Variants in PROX1 observed in about 807,000 individuals in gnomAD.
PROX1 encodes prospero homeobox 1.
Under a neutral mutation model 58.8 loss-of-function variants are expected in PROX1, and 7 were observed. The ratio of observed to expected loss-of-function variants is 0.12; its 90% CI spans 0.07 to 0.22. The LOEUF is 0.22. Among genes scored for constraint, PROX1 ranks in the 10% least tolerant of loss-of-function variants. The probability of loss-of-function intolerance (pLI) is 1.00; values close to 1 mark genes in which losing one functional copy is unlikely to be tolerated. For missense variants in PROX1, 675 were observed against 927.8 expected (o/e 0.73, Z 3.54); for synonymous variants, 350 against 358.3 (o/e 0.98, Z 0.26).
intron 3 of PROX1, among the ~76,000 whole-genome samples, chr1:214,008,201 G>C (rs1483598248): frequency 6.6e-6 from 1 of 152,030 alleles, no homozygotes; most frequent in Non-Finnish European, 1.5e-5. Context: ...ACAGGAATGT[G>C]CCACCACGCC....
At chr1:214,030,186 A>G (rs553624240) in intron 4 of PROX1, 1 of 151,430 alleles carries the variant, frequency 6.6e-6, no homozygotes, top group Admixed American at 6.6e-5. Context: ...TTTATAGTAT[A>G]AAAAAAAATG....
chr1:213,998,412 G>A, intron 2 of PROX1, 152 bp downstream of exon 2: 1 of 966,146 alleles, frequency 1.0e-6, no homozygotes, highest in Non-Finnish European at 1.4e-6. Context: ...TTATCAGCAT[G>A]CGTGTGCCAT....
At chr1:214,011,790 C>A (rs947338126) in intron 4 of PROX1, 75 bp downstream of exon 4, 45 of 1,296,698 alleles carry the variant, frequency 3.5e-5, no homozygotes, top group Admixed American at 4.8e-5. Context: ...AGAAATGTAC[C>A]CAAATCTGTT....
chr1:214,025,908 C>T (rs554308160), intron 4 of PROX1, among the ~76,000 whole-genome samples: 4 of 152,174 alleles, frequency 2.6e-5, no homozygotes, highest in Non-Finnish European at 2.9e-5. Flanking sequence ...ATGATTCACC[C>T]GCCTCAGCCT....
rs1381886923 is a variant in PROX1, at chr1:214,037,018, A to C, written c.*1184A>C. The C allele has an allele frequency of 6.6e-6, 1 of 152,250 alleles. No homozygotes were observed. Among genetic ancestry groups the C allele is most frequent in the Non-Finnish European group, 1.5e-5 (1 of 68,038 alleles). The allele number at this position is 152,250 out of a possible 1,614,324, so 9.4% of individuals were successfully genotyped here. ...TAATGCCTCTTCCAATTCAGAAGCT[A>C]GTATTGACCAAAATGTGAGAAGAGT... is the stretch of plus-strand genomic sequence containing the variant. On this transcript the variant is annotated 3_prime_UTR_variant, in exon 5 of 5. Transcript: ENST00000366958.
intron 1 of PROX1, among the ~76,000 whole-genome samples, chr1:213,995,035 C>A (rs1428719127): frequency 6.6e-6 from 1 of 151,918 alleles, no homozygotes; most frequent in Non-Finnish European, 1.5e-5. Context: ...GCCACAGATG[C>A]AGTCCTAGGG....
Position 214,004,189 on chromosome 1 carries a change from C to T in PROX1, c.1726-976C>T, listed in dbSNP as rs544326284. Among the ~76,000 whole-genome samples, 19 of 152,308 alleles carry T rather than the reference C, an allele frequency of 1.2e-4. No individual in the cohort carries two copies. The South Asian group carries it at 3.1e-3, about 25-fold the overall frequency. On this transcript the variant is annotated intron_variant, in intron 2 of 4. Coordinates refer to ENST00000366958, the MANE Select transcript of PROX1 (RefSeq NM_001270616.2). ...CTGAGGAAATGGCAGGGCCAGGCTG[C>T]GGCACAGATGTGACCAGAGCCATCC...
chr1:214,021,047 A>G (rs1664262066), intron 4 of PROX1, among the ~76,000 whole-genome samples: 1 of 152,212 alleles, frequency 6.6e-6, no homozygotes, highest in Non-Finnish European at 1.5e-5. Flanking sequence ...AGGTGGTCAG[A>G]TCAGGCGGGT....
chr1:214,007,445 T>C (rs1229053645), intron 3 of PROX1, among the ~76,000 whole-genome samples: 1 of 152,218 alleles, frequency 6.6e-6, no homozygotes, highest in Non-Finnish European at 1.5e-5. Context: ...GAATTATACA[T>C]TTTTAACTTT....
intron 1 of PROX1, among the ~76,000 whole-genome samples, chr1:213,992,733 A>G (rs746009240): frequency 2.6e-5 from 4 of 152,180 alleles, no homozygotes; most frequent in Non-Finnish European, 4.4e-5. Context: ...TGTCTGAACT[A>G]TCTGGATAAT....
chr1:214,035,485 T>C (rs1664797857), intron 4 of PROX1, among the ~76,000 whole-genome samples, 164 bp from the exon 5 acceptor site: 2 of 152,220 alleles, frequency 1.3e-5, no homozygotes, highest in East Asian at 1.9e-4. Flanking sequence ...TGCTTCTATA[T>C]ATAATGACTT....
Position 213,994,512 on chromosome 1 carries a change from T to G in PROX1, c.-67-1957T>G, listed in dbSNP as rs1404307856. ...TTTTTCTTGTCTCAGCCTCTCCTTG[T>G]TCTTTCTGTCATCTGACAGCTAACC... On this transcript the variant is annotated intron_variant, in intron 1 of 4. Transcript: ENST00000366958. 2.6e-5 allele frequency among the ~76,000 whole-genome samples: 4 copies of G among 152,084 alleles called. No homozygotes were observed. The East Asian group carries it at 7.8e-4, about 30-fold the overall frequency.
intron 4 of PROX1, among the ~76,000 whole-genome samples, chr1:214,033,400 C>A (rs1664727616): frequency 6.6e-6 from 1 of 152,122 alleles, no homozygotes; most frequent in Admixed American, 6.5e-5. Context: ...GAGTTGGAGA[C>A]CAGCCTGGCC....
chr1:213,994,690 T>G (rs1362053931), intron 1 of PROX1, among the ~76,000 whole-genome samples: 1 of 146,250 alleles, frequency 6.8e-6, no homozygotes, highest in Non-Finnish European at 1.5e-5. Context: ...CCATCTCCAT[T>G]CTAAGTTCAG....
At chr1:213,990,133 T>A (rs1164573681) in intron 1 of PROX1, among the ~76,000 whole-genome samples, 1 of 131,696 alleles carries the variant, frequency 7.6e-6, no homozygotes, top group African/African-American at 2.9e-5. Context: ...CTCCCTTATT[T>A]AAAAAAAAAA....
chr1:213,996,137 T>A lies in PROX1; in HGVS notation c.-67-332T>A, dbSNP rs928425573. 4.6e-5 allele frequency among the ~76,000 whole-genome samples: 7 copies of A among 152,308 alleles called. 1 individual carries two copies. In the South Asian group the frequency reaches 1.0e-3, roughly 23 times the overall value. On this transcript the variant is annotated intron_variant, in intron 1 of 4. Transcript: ENST00000366958. ...ATGAATCTCAATGCCCAAAATTTAA[T>A]CAATTGGTTGTCAGAGGCTGTGTTC...
At chr1:214,006,784 TG>T (rs559579245) in intron 3 of PROX1, among the ~76,000 whole-genome samples, 104 of 152,324 alleles carry the variant, frequency 6.8e-4, no homozygotes, top group African/African-American at 2.4e-3. Flanking sequence ...TGTGTGTGTG[TG>T]TGTCTGTGTG....
At chr1:214,027,416 G>A (rs879508210) in intron 4 of PROX1, among the ~76,000 whole-genome samples, 9 of 152,080 alleles carry the variant, frequency 5.9e-5, no homozygotes, top group Non-Finnish European at 1.2e-4. Flanking sequence ...AGCATCAACC[G>A]AAACTGCTCC....
At chr1:214,017,306 A>C (rs1256089939) in intron 4 of PROX1, among the ~76,000 whole-genome samples, 1 of 152,110 alleles carries the variant, frequency 6.6e-6, no homozygotes, top group African/African-American at 2.4e-5. Flanking sequence ...GATTCAGTGG[A>C]GTTCTATGAT....
Sources: allele counts gnomAD v4.1 joint callset (sites outside exome capture counted in the v4.1 genomes callset), GRCh38; gene constraint gnomAD v4.1.1; transcripts MANE v1.5; gene names NCBI Gene and HGNC (gene_info 2026-07-23, HGNC 2026-07-21).